Variants in TRIM44 observed in about 807,000 individuals in gnomAD.
The protein encoded by TRIM44 is tripartite motif-containing protein 44.
TRIM44 carries 13 observed loss-of-function variants against 37.4 expected under a neutral mutation model. The observed-to-expected ratio is 0.35, with a 90% CI of 0.23 to 0.55. The LOEUF (loss-of-function observed/expected upper bound fraction) is 0.55, where lower values mean the gene tolerates loss of function less well. Ranked by LOEUF, TRIM44 falls within the 20% of genes least tolerant of loss-of-function variation. The pLI, the probability that TRIM44 is intolerant of heterozygous loss-of-function variation, is 0.89. For missense variants in TRIM44, 426 were observed against 437.2 expected, an observed-to-expected ratio of 0.97 and a Z score of 0.23; for synonymous variants, 175 against 157.2, an observed-to-expected ratio of 1.11 and a Z score of -0.85.
At chr11:35,753,854 A>C (rs531808101) in intron 4 of TRIM44, among the ~76,000 whole-genome samples, 1 of 151,816 alleles carries the variant, frequency 6.6e-6, no homozygotes, top group East Asian at 1.9e-4. Context: ...TCAGCCTCCC[A>C]AGTAACTGGG....
chr11:35,812,904 T>C lies in TRIM44; in HGVS notation c.*6519T>C, dbSNP rs1322763056. The C allele has an allele frequency of 6.6e-6, 1 of 152,186 alleles. No homozygotes were observed. The allele number at this position is 152,186 out of a possible 1,614,324, so 9.4% of individuals were successfully genotyped here. ...GTTAGACTTGCTTTATCTTCTTTAT[T>C]CCAAGGCCATAAATAAGAAAATCAA... On this transcript the variant is annotated 3_prime_UTR_variant, in exon 5 of 5. Coordinates refer to ENST00000299413, the MANE Select transcript of TRIM44 (RefSeq NM_017583.6).
Position 35,689,986 on chromosome 11 carries a change from G to A in TRIM44, c.747+4650G>A, listed in dbSNP as rs573109644. On this transcript the variant is annotated intron_variant, in intron 2 of 4. Coordinates refer to ENST00000299413, the MANE Select transcript of TRIM44 (RefSeq NM_017583.6). Reference sequence around the variant, plus strand: ...CTGGTGTGCTTGAAGCAAACAGTTAGCACAGTTGTGTGTCTTGAATTCATA... The same window carrying A: ...CTGGTGTGCTTGAAGCAAACAGTTAACACAGTTGTGTGTCTTGAATTCATA... Among the ~76,000 whole-genome samples the A allele has an allele frequency of 1.9e-3, 282 of 152,292 alleles. 2 individuals are homozygous for A. Among genetic ancestry groups the A allele is most frequent in the African/African-American group, 6.5e-3 (271 of 41,560 alleles).
chr11:35,742,599 ATAATTATAT>A (rs1324698988), intron 4 of TRIM44, among the ~76,000 whole-genome samples: 112 of 132,400 alleles, frequency 8.5e-4, no homozygotes, highest in Middle Eastern at 3.8e-3. Context: ...TGTATTATAT[ATAATTATAT>A]TAATTATATT....
At chr11:35,743,052 G>C (rs1278569094) in intron 4 of TRIM44, among the ~76,000 whole-genome samples, 2 of 151,914 alleles carry the variant, frequency 1.3e-5, no homozygotes, top group African/African-American at 2.4e-5. Context: ...TCAGGATAAA[G>C]AATCAGAAAA....
At chr11:35,673,771 A>G (rs998625969) in intron 1 of TRIM44, among the ~76,000 whole-genome samples, 3 of 152,104 alleles carry the variant, frequency 2.0e-5, no homozygotes, top group African/African-American at 4.8e-5. Flanking sequence ...CAGTAGGCTT[A>G]TTCTTAGGCT....
At chr11:35,694,781 G>A (rs186597737) in intron 2 of TRIM44, among the ~76,000 whole-genome samples, 141 of 152,022 alleles carry the variant, frequency 9.3e-4, no homozygotes, top group Non-Finnish European at 1.5e-3. Flanking sequence ...CAAAATTCAG[G>A]GTTCCAAAGT....
intron 4 of TRIM44, among the ~76,000 whole-genome samples, chr11:35,789,486 ATT>A (rs1051468380): frequency 4.3e-5 from 5 of 114,994 alleles, no homozygotes; most frequent in Non-Finnish European, 7.8e-5. Context: ...CCTGGGAATC[ATT>A]GATCCTCTTT....
chr11:35,790,078 C>T (rs889844193), intron 4 of TRIM44, among the ~76,000 whole-genome samples: 1 of 152,120 alleles, frequency 6.6e-6, no homozygotes, highest in African/African-American at 2.4e-5. Context: ...TTGCTTCTTT[C>T]AGTGCCCGGT....
intron 2 of TRIM44, among the ~76,000 whole-genome samples, chr11:35,688,218 T>G (rs983958561): frequency 6.6e-6 from 1 of 152,196 alleles, no homozygotes; most frequent in Non-Finnish European, 1.5e-5. Flanking sequence ...AAGCACTGAT[T>G]GAGTCATGGA....
intron 4 of TRIM44, among the ~76,000 whole-genome samples, chr11:35,790,867 G>A (rs1027865256): frequency 6.6e-6 from 1 of 152,164 alleles, no homozygotes; most frequent in African/African-American, 2.4e-5. Context: ...AAAAGGGCAG[G>A]GGTAGAACTG....
At chr11:35,784,498 T>A (rs909281615) in intron 4 of TRIM44, among the ~76,000 whole-genome samples, 4 of 152,222 alleles carry the variant, frequency 2.6e-5, no homozygotes, top group African/African-American at 9.6e-5. Flanking sequence ...AAGTTGCCTC[T>A]TAATAAAAAT....
At chr11:35,747,287 T>A (rs934333735) in intron 4 of TRIM44, among the ~76,000 whole-genome samples, 1 of 152,032 alleles carries the variant, frequency 6.6e-6, no homozygotes, top group Non-Finnish European at 1.5e-5. Flanking sequence ...TAGATCTACA[T>A]ATATAATTTC....
chr11:35,684,527 G>T (rs1271968250), intron 1 of TRIM44, among the ~76,000 whole-genome samples: 1 of 152,190 alleles, frequency 6.6e-6, no homozygotes, highest in African/African-American at 2.4e-5. Context: ...AACACTTTCA[G>T]TTAGGCCCCA....
chr11:35,777,268 G>C lies in TRIM44; in HGVS notation c.1008-29090G>C, dbSNP rs1030631276. ...TTAAAGTCTGTTTTATCAGAGACTA[G>C]GATTGCAACCCCTGCTTTTTTTTGT... On this transcript the variant is annotated intron_variant, in intron 4 of 4. Coordinates refer to ENST00000299413, the MANE Select transcript of TRIM44 (RefSeq NM_017583.6). Among the ~76,000 whole-genome samples the C allele has an allele frequency of 5.3e-5, 8 of 152,198 alleles. 1 individual carries two copies. Among genetic ancestry groups the C allele is most frequent in the African/African-American group, 1.9e-4 (8 of 41,508 alleles).
In TRIM44 at chr11:35,765,105, G is replaced by A. The variant is rs1339607778; in HGVS notation, c.1007+29660G>A. 2.0e-5 allele frequency among the ~76,000 whole-genome samples: 3 copies of A among 152,096 alleles called. No individual in the cohort carries two copies. The East Asian group carries it at 5.8e-4, about 29-fold the overall frequency. ...CTCAGTTGAAATGGCTAAGCCATTT[G>A]TGTGCATAGTTGCAATCCCAGTTGA... On this transcript the variant is annotated intron_variant, in intron 4 of 4. Coordinates refer to ENST00000299413, the MANE Select transcript of TRIM44 (RefSeq NM_017583.6).
intron 4 of TRIM44, among the ~76,000 whole-genome samples, chr11:35,787,957 C>T (rs575853245): frequency 2.1e-4 from 32 of 152,338 alleles, no homozygotes; most frequent in African/African-American, 7.7e-4. Context: ...CAGGCTGCCA[C>T]TCCCCCCTTC....
At chr11:35,705,462 C>T (rs1006951853) in intron 2 of TRIM44, among the ~76,000 whole-genome samples, 163 of 152,238 alleles carry the variant, frequency 1.1e-3, no homozygotes, top group Non-Finnish European at 1.7e-3. Flanking sequence ...AATATACATT[C>T]TTTTCAGCAC....
intron 4 of TRIM44, among the ~76,000 whole-genome samples, chr11:35,755,864 A>T: frequency 6.6e-6 from 1 of 152,076 alleles, no homozygotes; most frequent in Non-Finnish European, 1.5e-5. Context: ...ATTGGTCTAT[A>T]TCTCTGTTTT....
intron 1 of TRIM44, among the ~76,000 whole-genome samples, chr11:35,672,293 T>C (rs1851403122): frequency 6.6e-6 from 1 of 152,110 alleles, no homozygotes; most frequent in Admixed American, 6.5e-5. Flanking sequence ...ACATACGATA[T>C]GTTCTGTTTC....
Sources: allele counts gnomAD v4.1 joint callset (sites outside exome capture counted in the v4.1 genomes callset), GRCh38; gene constraint gnomAD v4.1.1; transcripts MANE v1.5; gene names NCBI Gene and HGNC (gene_info 2026-07-23, HGNC 2026-07-21).